The following MTCL2 variants were observed in gnomAD, a reference collection of about 807,000 sequenced individuals.
The protein encoded by MTCL2 is microtubule cross-linking factor 2.
chr20:36,853,535 G>A, the MTCL2 span, among the ~76,000 whole-genome samples: 669 of 152,312 alleles, frequency 4.4e-3, 3 homozygotes, highest in Admixed American at 0.011. Flanking sequence ...CTCTTGCTCA[G>A]TGATGATCCT....
chr20:36,798,445 G>A, the MTCL2 span, among the ~76,000 whole-genome samples: 1 of 152,230 alleles, frequency 6.6e-6, no homozygotes, highest in Non-Finnish European at 1.5e-5. Flanking sequence ...CAGATGAGAG[G>A]ATCAAGACTG....
chr20:36,843,144 G>A, the MTCL2 span, among the ~76,000 whole-genome samples: 4 of 152,142 alleles, frequency 2.6e-5, no homozygotes, highest in Non-Finnish European at 5.9e-5. Context: ...AGGGGGATCT[G>A]ATTTTGTGCC....
At chr20:36,812,977 T>G in the MTCL2 span, 3 of 1,107,988 alleles carry the variant, frequency 2.7e-6, no homozygotes, top group Non-Finnish European at 3.8e-6. Context: ...GCTGGGACCC[T>G]GGTAGATTCA....
the MTCL2 span, among the ~76,000 whole-genome samples, chr20:36,829,398 A>C: frequency 6.6e-6 from 1 of 152,122 alleles, no homozygotes; most frequent in African/African-American, 2.4e-5. Context: ...TGAAGGAAGC[A>C]GTAGAACCAA....
chr20:36,834,087 C>A, the MTCL2 span, among the ~76,000 whole-genome samples: 2 of 150,746 alleles, frequency 1.3e-5, no homozygotes, highest in African/African-American at 4.9e-5. Flanking sequence ...TGCTTGAACC[C>A]GGGAGGTGGA....
At chr20:36,846,472 G>C in the MTCL2 span, among the ~76,000 whole-genome samples, 2 of 152,248 alleles carry the variant, frequency 1.3e-5, no homozygotes, top group African/African-American at 4.8e-5. Flanking sequence ...CACCCACACT[G>C]CTGCCAGGAT....
chr20:36,817,600 G>A, the MTCL2 span: 1 of 750,162 alleles, frequency 1.3e-6, no homozygotes, highest in Non-Finnish European at 2.1e-6. Context: ...ACCCCACCCT[G>A]ATGGCACTGA....
chr20:36,854,992 A>G, the MTCL2 span, among the ~76,000 whole-genome samples: 1 of 152,162 alleles, frequency 6.6e-6, no homozygotes, highest in Non-Finnish European at 1.5e-5. Context: ...AGCTCTGTGC[A>G]TAACACTCAG....
the MTCL2 span, chr20:36,797,051 C>T: frequency 9.6e-7 from 1 of 1,038,930 alleles, no homozygotes; most frequent in Non-Finnish European, 1.5e-6. Flanking sequence ...TGAATCTCCT[C>T]ATCCGGAGAG....
the MTCL2 span, among the ~76,000 whole-genome samples, chr20:36,786,794 T>C: frequency 2.0e-5 from 3 of 152,124 alleles, no homozygotes; most frequent in Non-Finnish European, 4.4e-5. Context: ...TTCTTTCTGT[T>C]GTTCTTCTCC....
chr20:36,853,452 A>G, the MTCL2 span, among the ~76,000 whole-genome samples: 1 of 152,232 alleles, frequency 6.6e-6, no homozygotes, highest in Non-Finnish European at 1.5e-5. Context: ...AACAATGGTG[A>G]CGATAACAAT....
At chr20:36,812,607 C>T in the MTCL2 span, 1 of 1,492,344 alleles carries the variant, frequency 6.7e-7, no homozygotes, top group East Asian at 2.3e-5. Context: ...AAACCCATAT[C>T]CTCACCAGCT....
chr20:36,812,963 G>T, the MTCL2 span: 1 of 1,232,194 alleles, frequency 8.1e-7, no homozygotes, highest in Non-Finnish European at 1.1e-6. Context: ...CCACCCACCT[G>T]AGGGCTGGGA....
At chr20:36,847,476 G>A in the MTCL2 span, among the ~76,000 whole-genome samples, 4 of 152,150 alleles carry the variant, frequency 2.6e-5, no homozygotes, top group Non-Finnish European at 5.9e-5. Context: ...GCTGGTTTGT[G>A]TCTAGTCCTC....
At chr20:36,803,062 C>T in the MTCL2 span, 7 of 1,608,792 alleles carry the variant, frequency 4.4e-6, no homozygotes, top group South Asian at 1.1e-5. Flanking sequence ...GCCTTCCAGT[C>T]GGGCCCTGCC....
chr20:36,804,725 G>A, the MTCL2 span: 1 of 1,610,978 alleles, frequency 6.2e-7, no homozygotes, highest in East Asian at 2.2e-5. Context: ...CTGACAGGTG[G>A]GGGGCTCACC....
chr20:36,786,519 C>A, the MTCL2 span: 37 of 1,549,782 alleles, frequency 2.4e-5, no homozygotes, highest in Non-Finnish European at 3.1e-5. Context: ...CTCCTCCCCA[C>A]CCCAGCTGGA....
chr20:36,810,910 C>T, the MTCL2 span, among the ~76,000 whole-genome samples: 1 of 152,034 alleles, frequency 6.6e-6, no homozygotes, highest in Non-Finnish European at 1.5e-5. Context: ...TTGATAGAGA[C>T]AGGATTTTGC....
chr20:36,829,745 C>T, the MTCL2 span, among the ~76,000 whole-genome samples: 5 of 152,034 alleles, frequency 3.3e-5, no homozygotes, highest in South Asian at 6.2e-4. Flanking sequence ...CACCTGTAAT[C>T]CCAGCACTTT....
Sources: allele counts gnomAD v4.1 joint callset (sites outside exome capture counted in the v4.1 genomes callset), GRCh38; gene constraint gnomAD v4.1.1; transcripts MANE v1.5; gene names NCBI Gene and HGNC (gene_info 2026-07-23, HGNC 2026-07-21).